RCOR1: variants seen among roughly 807,000 people sequenced by gnomAD.
The protein encoded by RCOR1 is REST corepressor 1, also known as REST corepressor.
In RCOR1, 12 loss-of-function variants were observed where a neutral mutation model predicts 64.0. That is an observed-to-expected ratio of 0.19 (90% CI 0.12 to 0.30). The LOEUF is 0.30. Among genes scored for constraint, RCOR1 ranks in the 10% least tolerant of loss-of-function variants. The pLI is 1.00. For missense variants in RCOR1, 502 were observed against 621.2 expected, an observed-to-expected ratio of 0.81 and a Z score of 2.04; for synonymous variants, 279 against 227.2, an observed-to-expected ratio of 1.23 and a Z score of -2.05.
chr14:102,705,700 C>T (rs1055553379), intron 4 of RCOR1, among the ~76,000 whole-genome samples: 1 of 152,134 alleles, frequency 6.6e-6, no homozygotes, highest in Admixed American at 6.5e-5. Context: ...CTCAAGTGAT[C>T]CTCTCACCTC....
At chr14:102,644,879 G>T (rs927983786) in intron 2 of RCOR1, among the ~76,000 whole-genome samples, 1 of 152,140 alleles carries the variant, frequency 6.6e-6, no homozygotes, top group Non-Finnish European at 1.5e-5. Flanking sequence ...TCAGGCTCTG[G>T]TTTCTGCTGA....
At chr14:102,687,810 C>T (rs1031835318) in intron 3 of RCOR1, among the ~76,000 whole-genome samples, 5 of 152,086 alleles carry the variant, frequency 3.3e-5, no homozygotes, top group African/African-American at 1.2e-4. Context: ...CTGATGTTCC[C>T]GTTGGGACTC....
At chr14:102,676,343 A>G (rs1595224657) in intron 2 of RCOR1, among the ~76,000 whole-genome samples, 1 of 120,626 alleles carries the variant, frequency 8.3e-6, no homozygotes, top group African/African-American at 3.5e-5. Flanking sequence ...CGGGGGGCTG[A>G]CCCCCCCACC....
intron 2 of RCOR1, among the ~76,000 whole-genome samples, chr14:102,602,068 A>G (rs571379549): frequency 6.6e-6 from 1 of 151,720 alleles, no homozygotes; most frequent in African/African-American, 2.4e-5. Context: ...CTGAGGCGGG[A>G]GAATTGCTTG....
chr14:102,658,553 C>T, intron 2 of RCOR1: 1 of 985,310 alleles, frequency 1.0e-6, no homozygotes, highest in Non-Finnish European at 1.2e-6. Context: ...GAATGTGACT[C>T]TTTTCTCAGG....
intron 2 of RCOR1, among the ~76,000 whole-genome samples, chr14:102,672,688 A>G (rs1363681068): frequency 6.6e-6 from 1 of 152,206 alleles, no homozygotes; most frequent in Non-Finnish European, 1.5e-5. Context: ...GGGAAATGCA[A>G]ATCAAAACCA....
chr14:102,726,372 C>G, intron 11 of RCOR1, 96 bp from the exon 12 acceptor site: 5 of 1,059,906 alleles, frequency 4.7e-6, no homozygotes, highest in African/African-American at 1.6e-5. Flanking sequence ...TGCAGGTTTG[C>G]TGGCTACCTT....
At chr14:102,595,425 G>T (rs983823570) in intron 2 of RCOR1, among the ~76,000 whole-genome samples, 12 of 152,122 alleles carry the variant, frequency 7.9e-5, no homozygotes, top group Non-Finnish European at 1.6e-4. Context: ...TCTCTGGGAA[G>T]TCAAGGCTGC....
chr14:102,622,560 A>G (rs916184633), intron 2 of RCOR1, among the ~76,000 whole-genome samples: 1 of 152,044 alleles, frequency 6.6e-6, no homozygotes, highest in African/African-American at 2.4e-5. Flanking sequence ...TCTTCTTGGA[A>G]CTTTTCCCTG....
intron 10 of RCOR1, 95 bp downstream of exon 10, chr14:102,721,472 G>A: frequency 2.4e-6 from 2 of 846,764 alleles, no homozygotes; most frequent in Non-Finnish European, 3.9e-6. Flanking sequence ...ATTTGCTTGA[G>A]CCCAGGAGCT....
intron 2 of RCOR1, among the ~76,000 whole-genome samples, chr14:102,664,067 T>C (rs1894872766): frequency 6.6e-6 from 1 of 152,174 alleles, no homozygotes; most frequent in Non-Finnish European, 1.5e-5. Flanking sequence ...GATTAGGCAT[T>C]AGCTGAACTC....
intron 2 of RCOR1, among the ~76,000 whole-genome samples, chr14:102,637,165 C>T (rs1214985836): frequency 4.8e-5 from 7 of 144,920 alleles, no homozygotes; most frequent in Admixed American, 1.4e-4. Flanking sequence ...CTTACTCTGT[C>T]GCCCAGGCTG....
At chr14:102,618,441 G>A (rs549064139) in intron 2 of RCOR1, among the ~76,000 whole-genome samples, 1 of 151,858 alleles carries the variant, frequency 6.6e-6, no homozygotes, top group African/African-American at 2.4e-5. Context: ...GTGAGACCAT[G>A]TCTTCAGGGG....
intron 2 of RCOR1, among the ~76,000 whole-genome samples, chr14:102,680,237 A>G (rs1397818484): frequency 6.6e-6 from 1 of 152,144 alleles, no homozygotes. Flanking sequence ...TATTTCCTAC[A>G]ACCTTACTAA....
intron 2 of RCOR1, among the ~76,000 whole-genome samples, chr14:102,623,823 G>A (rs929201437): frequency 1.3e-5 from 2 of 151,762 alleles, no homozygotes; most frequent in Non-Finnish European, 2.9e-5. Flanking sequence ...TTGGGAGGCC[G>A]AGGCAGGCGG....
chr14:102,621,536 A>C (rs1893874498), intron 2 of RCOR1, among the ~76,000 whole-genome samples: 1 of 152,074 alleles, frequency 6.6e-6, no homozygotes, highest in African/African-American at 2.4e-5. Flanking sequence ...CACTGAGCCC[A>C]GCCTCAGGTT....
intron 2 of RCOR1, among the ~76,000 whole-genome samples, chr14:102,675,047 C>CAAAAAAA (rs761294133): frequency 7.9e-5 from 5 of 63,412 alleles, no homozygotes; most frequent in African/African-American, 1.8e-4. Context: ...GACTCCACCT[C>CAAAAAAA]AAAAAAAAAA....
At chr14:102,631,937 A>G (rs938990113) in intron 2 of RCOR1, among the ~76,000 whole-genome samples, 1 of 151,854 alleles carries the variant, frequency 6.6e-6, no homozygotes, top group Non-Finnish European at 1.5e-5. Context: ...AGTAGCTGGG[A>G]CTACAGACTA....
rs530465514 is a variant in RCOR1, at chr14:102,719,288, C to T, written c.1054-1719C>T. Among the ~76,000 whole-genome samples, 317 of 152,206 alleles carry T rather than the reference C, an allele frequency of 2.1e-3. 1 individual carries two copies. The highest frequency in any genetic ancestry group is 3.4e-3 in the Middle Eastern group (1 of 294). ...AAATTATACTTTAAGTTCTAGGGTA[C>T]ATGTGCACAACGTGCAGGTTTATTA... On this transcript the variant is annotated intron_variant, in intron 8 of 11. Transcript: ENST00000262241.
Sources: allele counts gnomAD v4.1 joint callset (sites outside exome capture counted in the v4.1 genomes callset), GRCh38; gene constraint gnomAD v4.1.1; transcripts MANE v1.5; gene names NCBI Gene and HGNC (gene_info 2026-07-23, HGNC 2026-07-21).